The following GOSR2 variants were observed in gnomAD, a reference collection of about 807,000 sequenced individuals.
The protein encoded by GOSR2 is 27 kDa Golgi SNARE protein.
Under a neutral mutation model 27.9 loss-of-function variants are expected in GOSR2, and 20 were observed. That is an observed-to-expected ratio of 0.72 (90% CI 0.50 to 1.04). The LOEUF (loss-of-function observed/expected upper bound fraction) is 1.04. Among genes scored for constraint, GOSR2 ranks in the 50% least tolerant of loss-of-function variants. GOSR2 has a pLI of 0.00. For synonymous variants in GOSR2, 91 were observed against 98.8 expected (o/e 0.92, Z 0.47); for missense variants, 261 against 270.5 (o/e 0.97, Z 0.25).
Position 46,929,527 on chromosome 17 carries a change from C to T in GOSR2, c.37C>T (p.His13Tyr). Residue 13 changes from histidine to tyrosine, a missense_variant, in exon 2 of 6, where the codon CAC (histidine) becomes TAC (tyrosine). Transcript: ENST00000640051. ...TCCCTCTTCCTTTGATAGGCAGGTC[C>T]ACGAGATCCAGTCTTGCATGGGACG... Reference protein sequence around the residue: ...PLFQQTHKQVHEIQSCMGRLE... With the variant: ...PLFQQTHKQVYEIQSCMGRLE... 3.9e-6 allele frequency: 6 copies of T among 1,539,928 alleles called. No homozygotes were observed. Among genetic ancestry groups the T allele is most frequent in the Non-Finnish European group, 5.4e-6 (6 of 1,112,448 alleles).
At chr17:46,923,511 T>C in intron 1 of GOSR2, 1 of 1,379,328 alleles carries the variant, frequency 7.2e-7, no homozygotes, top group Non-Finnish European at 9.3e-7. Flanking sequence ...ACCTGCAGGT[T>C]ATAAAACTTT....
chr17:46,962,430 A>G (rs776488184), intron 6 of GOSR2, among the ~76,000 whole-genome samples: 1 of 152,126 alleles, frequency 6.6e-6, no homozygotes, highest in Non-Finnish European at 1.5e-5. Context: ...GTCTCCTCAC[A>G]CATCAAATCT....
downstream of GOSR2, among the ~76,000 whole-genome samples, chr17:46,969,119 G>T (rs1211101861): frequency 6.6e-6 from 1 of 152,202 alleles, no homozygotes; most frequent in Non-Finnish European, 1.5e-5. Flanking sequence ...AGCGGAAGCC[G>T]ATCTCGCTCT....
intron 6 of GOSR2, among the ~76,000 whole-genome samples, chr17:46,951,257 T>C (rs1420120903): frequency 6.6e-6 from 1 of 152,154 alleles, no homozygotes; most frequent in African/African-American, 2.4e-5. Context: ...AGGTGCCCGC[T>C]GGCCGCCCAC....
At chr17:46,973,948 A>G (rs1222133158) in intron 6 of GOSR2, among the ~76,000 whole-genome samples, 1 of 152,054 alleles carries the variant, frequency 6.6e-6, no homozygotes. Flanking sequence ...GCTTCTTTCC[A>G]TCTACTACTG....
At chr17:46,948,319 G>A (rs996148559) in intron 6 of GOSR2, among the ~76,000 whole-genome samples, 1 of 152,222 alleles carries the variant, frequency 6.6e-6, no homozygotes, top group Non-Finnish European at 1.5e-5. Context: ...GGTAACTGAG[G>A]TTTTGTTGTG....
At chr17:46,928,418 C>A (rs1183833532) in intron 1 of GOSR2, among the ~76,000 whole-genome samples, 1 of 152,084 alleles carries the variant, frequency 6.6e-6, no homozygotes, top group Non-Finnish European at 1.5e-5. Context: ...CCAGCAGGCC[C>A]CCTTCATGTG....
At chr17:46,923,587 C>G in intron 1 of GOSR2, 2 of 1,289,514 alleles carry the variant, frequency 1.6e-6, no homozygotes, top group Non-Finnish European at 2.0e-6. Flanking sequence ...GAGTAGGAGA[C>G]ACGGCCCCTG....
downstream of GOSR2, among the ~76,000 whole-genome samples, chr17:46,946,151 G>A (rs1018511001): frequency 6.6e-6 from 1 of 151,964 alleles, no homozygotes; most frequent in Admixed American, 6.6e-5. Flanking sequence ...AATTAAAAAT[G>A]TAGGCTGGGC....
chr17:46,940,170 C>T lies in GOSR2; in HGVS notation c.*1410C>T, dbSNP rs1300890099. On this transcript the variant is annotated 3_prime_UTR_variant, in exon 6 of 6. Transcript: ENST00000640051. ...GTAGTCATGTTGGTCCTTTCAGGCA[C>T]CTCTGTGGCATAGCTCCCCTTTGGT... 1.5e-6 allele frequency: 2 copies of T among 1,347,460 alleles called. No individual in the cohort carries two copies. Among genetic ancestry groups the T allele is most frequent in the Non-Finnish European group, 1.9e-6 (2 of 1,046,994 alleles). The allele number at this position is 1,347,460 out of a possible 1,614,324, so 83.5% of individuals were successfully genotyped here.
At chr17:46,954,468 G>A (rs936714895) in intron 6 of GOSR2, among the ~76,000 whole-genome samples, 3 of 152,200 alleles carry the variant, frequency 2.0e-5, no homozygotes, top group African/African-American at 7.2e-5. Context: ...ATCAGGCAGT[G>A]TGATGCCTCC....
intron 4 of GOSR2, chr17:46,932,443 A>G: frequency 1.7e-6 from 1 of 602,440 alleles, no homozygotes; most frequent in African/African-American, 1.8e-5. Context: ...CAGAGGTGAA[A>G]ATTACCTGGT....
chr17:46,929,726 C>T, intron 2 of GOSR2, 142 bp downstream of exon 2: 1 of 647,500 alleles, frequency 1.5e-6, no homozygotes, highest in Non-Finnish European at 2.8e-6. Flanking sequence ...CAGAAAAACC[C>T]TATGGCAAAG....
chr17:46,967,521 G>A (rs1463648920), downstream of GOSR2, among the ~76,000 whole-genome samples: 1 of 152,210 alleles, frequency 6.6e-6, no homozygotes, highest in Non-Finnish European at 1.5e-5. Flanking sequence ...CTCAAAGGGC[G>A]AAGAGAAGGA....
Position 46,966,607 on chromosome 17 carries a change from C to T in GOSR2, c.657C>T (p.Ser219=), listed in dbSNP as rs574745649. 1.2e-3 allele frequency: 850 copies of T among 687,628 alleles called. 22 individuals are homozygous for T. The South Asian group carries it at 0.013, about 10-fold the overall frequency. The allele number at this position is 687,628 out of a possible 1,614,324, so 42.6% of individuals were successfully genotyped here. The change falls in exon 7 of 7, where the codon TCC becomes TCT. Residue 219 remains serine (S), a synonymous_variant. Coordinates refer to the GOSR2 transcript ENST00000573224. Reference sequence around the variant, plus strand: ...CAAGAGATCCTCCTGCATCAGCCTCCCGAAGTGCTGGGATTATAGGTATGA... The same window carrying T: ...CAAGAGATCCTCCTGCATCAGCCTCTCGAAGTGCTGGGATTATAGGTATGA...
intron 6 of GOSR2, among the ~76,000 whole-genome samples, chr17:46,959,237 C>G (rs189127583): frequency 1.3e-5 from 2 of 152,338 alleles, no homozygotes; most frequent in African/African-American, 4.8e-5. Flanking sequence ...GAGCTCAGAG[C>G]AGGCAGTAGA....
chr17:46,929,522 A>G lies in GOSR2; in HGVS notation c.32A>G (p.Gln11Arg), dbSNP rs567868010. 3 of 1,523,848 alleles carry G rather than the reference A, an allele frequency of 2.0e-6. No homozygotes were observed. The highest frequency in any genetic ancestry group is 2.2e-5 in the East Asian group (1 of 44,460). 94.4% of individuals were successfully genotyped at this position (1,523,848 alleles called of 1,614,324 possible). ...TTTCCTCCCTCTTCCTTTGATAGGC[A>G]GGTCCACGAGATCCAGTCTTGCATG... Reference protein sequence around the residue: MDPLFQQTHKQVHEIQSCMGR... With the variant: MDPLFQQTHKRVHEIQSCMGR... The change falls in exon 2 of 6, where the codon CAG becomes CGG. Residue 11 changes from glutamine (Q) to arginine (R), a missense_variant and splice_region_variant. Gln to Arg is a conservative substitution (Grantham distance 43). Transcript: ENST00000640051.
chr17:46,930,667 TAA>T (rs33927730), intron 2 of GOSR2: 95,557 of 146,694 alleles, frequency 0.65, 30,995 homozygotes, highest in Middle Eastern at 0.72. Context: ...TTTTTTTAAA[TAA>T]AAAAAAAAAA....
At chr17:46,933,840 T>C (rs927823880) in intron 4 of GOSR2, among the ~76,000 whole-genome samples, 1 of 151,696 alleles carries the variant, frequency 6.6e-6, no homozygotes, top group African/African-American at 2.4e-5. Flanking sequence ...GGCGTGAGCC[T>C]GTGGTCCCAA....
Sources: gnomAD v4.1 joint callset for allele counts (sites outside exome capture counted in the v4.1 genomes callset) on GRCh38, gnomAD v4.1.1 for gene constraint, MANE v1.5 for transcripts, NCBI Gene and HGNC (gene_info 2026-07-23, HGNC 2026-07-21) for gene names.